Variants in FABP12 observed in about 807,000 individuals in gnomAD.
FABP12 encodes the protein fatty acid-binding protein 12.
FABP12 carries 19 observed loss-of-function variants against 13.7 expected under a neutral mutation model. The ratio of observed to expected loss-of-function variants is 1.39; its 90% CI spans 0.97 to 2.04. FABP12 has a LOEUF of 2.04. Ranked by LOEUF, FABP12 falls within the 30% of genes most tolerant of loss-of-function variation. FABP12 has a pLI of 0.00. For missense variants in FABP12, 182 were observed against 164.2 expected (o/e 1.11, Z -0.59); for synonymous variants, 61 against 57.0 (o/e 1.07, Z -0.32).
chr8:81,553,511 A>G (rs531073280), intron 1 of FABP12, among the ~76,000 whole-genome samples: 3 of 152,248 alleles, frequency 2.0e-5, no homozygotes, highest in African/African-American at 7.2e-5. Context: ...AATTATTATC[A>G]TTTTTTTCTG....
At chr8:81,583,663 C>G (rs1410480701) in intron 1 of FABP12, among the ~76,000 whole-genome samples, 1 of 152,076 alleles carries the variant, frequency 6.6e-6, no homozygotes, top group Non-Finnish European at 1.5e-5. Flanking sequence ...AAAACTTGAA[C>G]AGACCAATAA....
chr8:81,570,946 C>A (rs1049016852), intron 1 of FABP12, among the ~76,000 whole-genome samples: 12 of 152,168 alleles, frequency 7.9e-5, no homozygotes, highest in Middle Eastern at 6.8e-3. Flanking sequence ...CAGGGACCCA[C>A]CCCCTTCTGC....
intron 2 of FABP12, among the ~76,000 whole-genome samples, chr8:81,530,393 A>G (rs368137515): frequency 2.6e-5 from 4 of 152,174 alleles, no homozygotes; most frequent in African/African-American, 7.2e-5. Flanking sequence ...TGAACAATTC[A>G]TTTGTTTCCA....
intron 1 of FABP12, among the ~76,000 whole-genome samples, chr8:81,560,427 A>T (rs902469258): frequency 1.3e-5 from 2 of 152,230 alleles, no homozygotes; most frequent in Non-Finnish European, 2.9e-5. Flanking sequence ...GGCATTTCTC[A>T]TCTTATTTTC....
intron 1 of FABP12, among the ~76,000 whole-genome samples, chr8:81,589,239 A>T (rs958864210): frequency 5.3e-5 from 8 of 152,176 alleles, no homozygotes; most frequent in African/African-American, 1.7e-4. Context: ...TTAATTTTTT[A>T]AAATGAACAG....
chr8:81,529,611 C>T lies in FABP12; in HGVS notation c.74-1G>A. On this transcript the variant is annotated splice_acceptor_variant, in intron 2 of 4. Coordinates refer to ENST00000360464, the Ensembl canonical transcript of FABP12. LOFTEE classifies it high-confidence loss of function. ...AGTTTCCTGCTGGCTCTTCCTATAC[C>T]TGGAAACCAGATAAAAGGAGTATTA... 5.0e-6 allele frequency: 8 copies of T among 1,611,078 alleles called. No homozygotes were observed. The highest frequency in any genetic ancestry group is 6.8e-6 in the Non-Finnish European group (8 of 1,178,844).
At chr8:81,575,580 GCTGT>G (rs147315046) in intron 1 of FABP12, among the ~76,000 whole-genome samples, 3,410 of 152,156 alleles carry the variant, frequency 0.022, 49 homozygotes, top group South Asian at 0.038. Context: ...TTATTTTGTT[GCTGT>G]CTATCTTATT....
exon 4 of FABP12, chr8:81,527,105 T>G: frequency 6.2e-7 from 1 of 1,605,516 alleles, no homozygotes; most frequent in Non-Finnish European, 8.5e-7. Context: ...GGACTCCTTA[T>G]CTAAGGTTAC....
intron 1 of FABP12, among the ~76,000 whole-genome samples, chr8:81,564,228 C>T (rs543842908): frequency 3.3e-5 from 5 of 152,004 alleles, no homozygotes; most frequent in African/African-American, 1.2e-4. Context: ...GCCAGACAAA[C>T]AAAGGCTAAG....
chr8:81,525,739 A>C (rs1022258288), intron 4 of FABP12: 3 of 152,192 alleles, frequency 2.0e-5, no homozygotes, highest in African/African-American at 7.2e-5. Context: ...TTTTTATTTA[A>C]ATATTTTAAA....
intron 3 of FABP12, among the ~76,000 whole-genome samples, chr8:81,527,674 T>C (rs1808943147): frequency 6.6e-6 from 1 of 152,172 alleles, no homozygotes; most frequent in Non-Finnish European, 1.5e-5. Context: ...GAAATGTTCT[T>C]TTTATCTTTG....
intron 1 of FABP12, among the ~76,000 whole-genome samples, chr8:81,558,690 GA>G (rs998465797): frequency 1.3e-5 from 2 of 152,038 alleles, no homozygotes; most frequent in Non-Finnish European, 2.9e-5. Flanking sequence ...AGGAGTTCGA[GA>G]CCAGCCTGAC....
intron 1 of FABP12, among the ~76,000 whole-genome samples, chr8:81,531,912 AGAAAG>A (rs1487190319): frequency 1.3e-5 from 2 of 151,674 alleles, no homozygotes; most frequent in African/African-American, 4.9e-5. Context: ...CAGAGAAAAA[AGAAAG>A]GAAAGAGATC....
chr8:81,539,653 G>T (rs1809298843), exon 2 of FABP12, among the ~76,000 whole-genome samples: 2 of 152,124 alleles, frequency 1.3e-5, no homozygotes, highest in South Asian at 2.1e-4. Flanking sequence ...CTCACTGAAG[G>T]CTGCTCTTAG....
At chr8:81,531,293 G>T in exon 2 of FABP12, 2 of 1,604,066 alleles carry the variant, frequency 1.2e-6, no homozygotes, top group Admixed American at 1.7e-5. Flanking sequence ...GGACTTCCAT[G>T]TTCCTTGGAG....
At chr8:81,552,842 A>T (rs1809543437) in intron 1 of FABP12, among the ~76,000 whole-genome samples, 1 of 152,164 alleles carries the variant, frequency 6.6e-6, no homozygotes, top group African/African-American at 2.4e-5. Context: ...GGCTTGGGAA[A>T]CTGAGAAGCT....
chr8:81,582,118 A>ATTTTTTT (rs34960860), intron 1 of FABP12, among the ~76,000 whole-genome samples: 32 of 96,758 alleles, frequency 3.3e-4, no homozygotes, highest in Non-Finnish European at 4.5e-4. Flanking sequence ...GCTAACTGGA[A>ATTTTTTT]TTTTTTTTTT....
In FABP12 at chr8:81,531,233, C is replaced by T. The variant is rs1809067322; in HGVS notation, c.73+10G>A. On this transcript the variant is annotated intron_variant, in intron 2 of 4. Transcript: ENST00000360464. The stretch of plus-strand genomic sequence containing the variant: ...TTACTGGATATGATATGCAAGTAAA[C>T]ATAGCTCACCCAGCTCCTTCATGTA... 1.9e-6 allele frequency: 3 copies of T among 1,598,046 alleles called. No homozygotes were observed. Among genetic ancestry groups the T allele is most frequent in the Admixed American group, 3.4e-5 (2 of 58,984 alleles).
At chr8:81,566,482 A>G (rs1278417215) in intron 1 of FABP12, among the ~76,000 whole-genome samples, 1 of 152,112 alleles carries the variant, frequency 6.6e-6, no homozygotes, top group Admixed American at 6.5e-5. Context: ...ACCAAGTGAG[A>G]TTTATCCTAG....
Sources: allele counts gnomAD v4.1 joint callset (sites outside exome capture counted in the v4.1 genomes callset), GRCh38; gene constraint gnomAD v4.1.1; transcripts MANE v1.5; gene names NCBI Gene and HGNC (gene_info 2026-07-23, HGNC 2026-07-21).